The following EYS variants were observed in gnomAD, a reference collection of about 807,000 sequenced individuals.
The protein encoded by EYS is EGF-like photoreceptor maintenance factor, also known as protein eyes shut homolog.
EYS carries 250 observed loss-of-function variants against 282.1 expected under a neutral mutation model. The observed-to-expected ratio is 0.89, with a 90% confidence interval of 0.80 to 0.98. The LOEUF (loss-of-function observed/expected upper bound fraction) is 0.98. Ranked by LOEUF, EYS falls within the 50% of genes least tolerant of loss-of-function variation. EYS has a pLI of 0.00. For missense variants in EYS, 4,016 were observed against 3,709.0 expected, an observed-to-expected ratio of 1.08 and a Z score of -2.15; for synonymous variants, 1,355 against 1,282.9, an observed-to-expected ratio of 1.06 and a Z score of -1.20.
intron 31 of EYS, among the ~76,000 whole-genome samples, chr6:64,190,134 T>A (rs1396158797): frequency 1.3e-5 from 2 of 152,120 alleles, no homozygotes; most frequent in East Asian, 3.9e-4. Context: ...ACTGTGAAGG[T>A]ACCGATAAGT....
chr6:64,194,915 A>C (rs1277782973), intron 31 of EYS, among the ~76,000 whole-genome samples: 3 of 152,168 alleles, frequency 2.0e-5, no homozygotes, highest in Non-Finnish European at 2.9e-5. Context: ...CTGGATTACT[A>C]TTCTACTTGT....
chr6:64,277,222 A>G (rs575919556), intron 30 of EYS, among the ~76,000 whole-genome samples: 20 of 152,302 alleles, frequency 1.3e-4, no homozygotes, highest in African/African-American at 4.6e-4. Flanking sequence ...TGATTTTTAC[A>G]GATAGCTTTG....
intron 11 of EYS, chr6:65,329,754 G>A (rs1769728625): frequency 1.0e-6 from 1 of 975,574 alleles, no homozygotes; most frequent in South Asian, 4.7e-5. Flanking sequence ...AGACTTTTGG[G>A]ATCAGAAATA....
At chr6:65,700,510 T>C (rs992818429) in intron 1 of EYS, among the ~76,000 whole-genome samples, 3 of 152,192 alleles carry the variant, frequency 2.0e-5, no homozygotes, top group Non-Finnish European at 4.4e-5. Context: ...TTTAAAACTT[T>C]TAATTTGTAT....
chr6:64,494,473 C>A (rs999144595), intron 26 of EYS, among the ~76,000 whole-genome samples: 1 of 151,572 alleles, frequency 6.6e-6, no homozygotes, highest in Non-Finnish European at 1.5e-5. Flanking sequence ...TCTCACTATT[C>A]TTTATTTCTG....
chr6:64,684,060 T>C (rs12197131), intron 22 of EYS, among the ~76,000 whole-genome samples: 103,538 of 152,058 alleles, frequency 0.68, 36,296 homozygotes, highest in Middle Eastern at 0.78. Context: ...TCTCACTCTT[T>C]CTTTTACCTT....
chr6:65,138,744 T>C (rs1055466258), intron 12 of EYS, among the ~76,000 whole-genome samples: 1 of 151,990 alleles, frequency 6.6e-6, no homozygotes. Flanking sequence ...ACAAAAGCAA[T>C]GTTGCAAGAC....
At chr6:64,345,101 T>A (rs1771323236) in intron 29 of EYS, among the ~76,000 whole-genome samples, 2 of 152,114 alleles carry the variant, frequency 1.3e-5, no homozygotes, top group African/African-American at 4.8e-5. Flanking sequence ...GAAGACTCAA[T>A]ATCGTGAAAA....
chr6:65,701,473 G>T (rs1389794244), intron 1 of EYS, among the ~76,000 whole-genome samples: 1 of 152,042 alleles, frequency 6.6e-6, no homozygotes, highest in East Asian at 1.9e-4. Flanking sequence ...TCACACAACT[G>T]CCAGATGATT....
intron 12 of EYS, among the ~76,000 whole-genome samples, chr6:65,104,024 C>T (rs1328534018): frequency 1.3e-5 from 2 of 151,322 alleles, no homozygotes; most frequent in African/African-American, 4.8e-5. Context: ...ACTCTAAGTT[C>T]AGTGTTTCTC....
intron 29 of EYS, among the ~76,000 whole-genome samples, chr6:64,366,891 G>C (rs1484731199): frequency 6.6e-6 from 1 of 152,022 alleles, no homozygotes. Flanking sequence ...AGTTGATTAT[G>C]ACAAAGTTTA....
At chr6:63,977,422 G>A (rs1170215697) in intron 35 of EYS, among the ~76,000 whole-genome samples, 3 of 151,962 alleles carry the variant, frequency 2.0e-5, no homozygotes, top group Admixed American at 1.3e-4. Flanking sequence ...ACATGGAGAT[G>A]CTTCCTGATC....
intron 31 of EYS, among the ~76,000 whole-genome samples, chr6:64,111,846 G>T (rs1773215753): frequency 6.6e-6 from 1 of 151,904 alleles, no homozygotes; most frequent in Non-Finnish European, 1.5e-5. Flanking sequence ...AAATATATTA[G>T]AAAGAAATAT....
intron 24 of EYS, among the ~76,000 whole-genome samples, chr6:64,616,195 C>G (rs774169005): frequency 3.3e-5 from 5 of 152,086 alleles, no homozygotes; most frequent in Non-Finnish European, 7.4e-5. Context: ...ATAAAAGACA[C>G]ATCTCAGTAT....
intron 35 of EYS, among the ~76,000 whole-genome samples, chr6:63,972,246 G>C (rs1766611569): frequency 6.6e-6 from 1 of 152,128 alleles, no homozygotes; most frequent in Admixed American, 6.6e-5. Flanking sequence ...TTATGAATTT[G>C]TCTTAGAGAA....
chr6:63,826,846 A>AAAAAAAAAAAAAAAAAAAAAC (rs1771479364), intron 36 of EYS, among the ~76,000 whole-genome samples: 1 of 2,624 alleles, frequency 3.8e-4, no homozygotes. Context: ...GTTAAAAAGC[A>AAAAAAAAAAAAAAAAAAAAAC]AAAAAAAAAA....
At chr6:63,743,574 C>T (rs187739726) in intron 41 of EYS, among the ~76,000 whole-genome samples, 4 of 152,128 alleles carry the variant, frequency 2.6e-5, no homozygotes, top group Non-Finnish European at 5.9e-5. Flanking sequence ...TTCAAGTTGT[C>T]AGATGGAAGG....
intron 22 of EYS, among the ~76,000 whole-genome samples, chr6:64,702,710 C>G (rs1325815392): frequency 6.6e-6 from 1 of 152,118 alleles, no homozygotes; most frequent in African/African-American, 2.4e-5. Flanking sequence ...GTATCCATTA[C>G]TCATTTGTTT....
intron 22 of EYS, among the ~76,000 whole-genome samples, chr6:64,759,626 T>C (rs1175058981): frequency 1.3e-5 from 2 of 152,124 alleles, no homozygotes; most frequent in African/African-American, 4.8e-5. Flanking sequence ...AAGTTCTACA[T>C]ATATTTCATA....
Sources: gnomAD v4.1 joint callset for allele counts (sites outside exome capture counted in the v4.1 genomes callset) on GRCh38, gnomAD v4.1.1 for gene constraint, MANE v1.5 for transcripts, NCBI Gene and HGNC (gene_info 2026-07-23, HGNC 2026-07-21) for gene names.